Variants in ADAM28 observed in about 807,000 individuals in gnomAD.
The protein encoded by ADAM28 is disintegrin and metalloproteinase domain-containing protein 28.
A neutral mutation model predicts 101.2 loss-of-function variants in ADAM28; 105 were observed. The observed-to-expected ratio is 1.04, with a 90% CI of 0.89 to 1.22. The LOEUF (loss-of-function observed/expected upper bound fraction) is 1.22. ADAM28 is among the 50% of genes most tolerant of loss of function. The probability of loss-of-function intolerance (pLI) is 0.00; values close to 1 mark genes in which losing one functional copy is unlikely to be tolerated. For missense variants in ADAM28, 1,028 were observed against 945.4 expected, an observed-to-expected ratio of 1.09 and a Z score of -1.15; for synonymous variants, 322 against 310.6, an observed-to-expected ratio of 1.04 and a Z score of -0.39.
rs1816546394 is a variant in ADAM28 at position 24,354,549 on chromosome 8, G to T, written c.*145G>T. 1.0e-6 allele frequency: 1 copy of T among 996,740 alleles called. No individual in the cohort carries two copies. Among genetic ancestry groups the T allele is most frequent in the Non-Finnish European group, 1.4e-6 (1 of 714,542 alleles). 61.7% of individuals were successfully genotyped at this position (996,740 alleles called of 1,614,324 possible). On this transcript the variant is annotated 3_prime_UTR_variant, in exon 23 of 23. Transcript: ENST00000265769. ...CATTTTCTGATTCATGTTAGACTTT[G>T]AAGAGACTAAAGAAAATTTTCAAGA...
In ADAM28 at chr8:24,311,551, A is replaced by T. The variant is rs183942040; in HGVS notation, c.383+114A>T. 2.7e-4 allele frequency: 195 copies of T among 711,760 alleles called. 1 individual carries two copies. The Admixed American group carries it at 5.3e-3, about 19-fold the overall frequency. The allele number at this position is 711,760 out of a possible 1,614,324, so 44.1% of individuals were successfully genotyped here. On this transcript the variant is annotated intron_variant, in intron 5 of 22. Transcript: ENST00000265769. Reference sequence around the variant, plus strand: ...ATTTTTATATAGTTGAATATAAATCATAAGGGCCATAACATTTTGAAATTT... The same window carrying T: ...ATTTTTATATAGTTGAATATAAATCTTAAGGGCCATAACATTTTGAAATTT...
chr8:24,349,789 A>G, intron 18 of ADAM28, 75 bp from the exon 19 acceptor site: 4 of 1,153,344 alleles, frequency 3.5e-6, no homozygotes, highest in Non-Finnish European at 5.1e-6. Flanking sequence ...TGTGCTAAGT[A>G]AAGAAACAAG....
In ADAM28 at chr8:24,321,283, C is replaced by G; in HGVS notation, c.714C>G (p.Val238=). Residue 238 remains valine (V), a synonymous_variant, in exon 8 of 23, where the codon GTC becomes GTG. Coordinates refer to ENST00000265769, the MANE Select transcript of ADAM28 (RefSeq NM_014265.6). The part of the protein sequence containing the change: ...RKRVFEMANY[V]NMLYKKLNTH... ...GGGTATTTGAGATGGCTAATTATGT[C>G]AACATGGTAAGACATATTTTATTAC... The G allele has an allele frequency of 6.2e-7, 1 of 1,603,346 alleles. No individual in the cohort carries two copies. Among genetic ancestry groups the G allele is most frequent in the Non-Finnish European group, 8.5e-7 (1 of 1,171,006 alleles).
intron 18 of ADAM28, 151 bp downstream of exon 18, chr8:24,343,735 CCT>C (rs1383029415): frequency 9.0e-5 from 57 of 635,036 alleles, no homozygotes; most frequent in Middle Eastern, 3.7e-4. Flanking sequence ...CCCCAAATCT[CCT>C]TAATACCTTT....
At chr8:24,341,517 T>G (rs1814759216) in intron 15 of ADAM28, 81 bp from the exon 16 acceptor site, 6 of 1,388,288 alleles carry the variant, frequency 4.3e-6, no homozygotes, top group African/African-American at 1.5e-5. Context: ...AAAAATACCA[T>G]CAGTTAAATA....
rs1174146173 is a variant in ADAM28 at position 24,355,463 on chromosome 8, C to T, written c.*1059C>T. On this transcript the variant is annotated 3_prime_UTR_variant, in exon 23 of 23. Coordinates refer to ENST00000265769, the MANE Select transcript of ADAM28 (RefSeq NM_014265.6). ...TAAGTCAAGTCAATTAAAATAACCTCATTTTTCCTTGCTAGTGGTCGACTT... is the reference window on the plus strand; with the variant it reads ...TAAGTCAAGTCAATTAAAATAACCTTATTTTTCCTTGCTAGTGGTCGACTT... 1 of 151,934 alleles carries T rather than the reference C, an allele frequency of 6.6e-6. No individual in the cohort carries two copies. Among genetic ancestry groups the T allele is most frequent in the Non-Finnish European group, 1.5e-5 (1 of 67,976 alleles). The allele number at this position is 151,934 out of a possible 1,614,324, so 9.4% of individuals were successfully genotyped here.
chr8:24,336,376 G>T (rs1252237487), intron 14 of ADAM28, among the ~76,000 whole-genome samples: 1 of 151,688 alleles, frequency 6.6e-6, no homozygotes, highest in African/African-American at 2.4e-5. Context: ...GAGGTCAGGA[G>T]ATCAAGACCA....
chr8:24,338,566 A>G (rs1389168782), intron 14 of ADAM28, among the ~76,000 whole-genome samples: 3 of 147,140 alleles, frequency 2.0e-5, no homozygotes, highest in African/African-American at 7.6e-5. Flanking sequence ...ACATTTTACT[A>G]AGATACAAAT....
chr8:24,349,850 G>T lies in ADAM28; in HGVS notation c.1991-14G>T, dbSNP rs774955339. ...TTTCTGCAGTCCTCAGCGGGCCCCT[G>T]TTCTCTGCTGCAGACTTCTCCATTG... On this transcript the variant is annotated splice_polypyrimidine_tract_variant and intron_variant, in intron 18 of 22. Transcript: ENST00000265769. 3 of 1,612,320 alleles carry T rather than the reference G, an allele frequency of 1.9e-6. No individual in the cohort carries two copies. The highest frequency in any genetic ancestry group is 2.5e-6 in the Non-Finnish European group (3 of 1,178,664).
intron 14 of ADAM28, chr8:24,335,961 A>T (rs751699244): frequency 9.3e-7 from 1 of 1,078,956 alleles, no homozygotes; most frequent in African/African-American, 1.6e-5. Context: ...CTGAAATTCA[A>T]ATTAAACTGG....
chr8:24,340,377 A>T (rs957737130), intron 15 of ADAM28, among the ~76,000 whole-genome samples: 1 of 152,124 alleles, frequency 6.6e-6, no homozygotes, highest in Non-Finnish European at 1.5e-5. Context: ...AAGAACAATC[A>T]TTTTCGGTGG....
chr8:24,329,882 TGTGTGAGAGAGA>T (rs1310878412), intron 10 of ADAM28, 91 bp from the exon 11 acceptor site: 809 of 945,256 alleles, frequency 8.6e-4, no homozygotes, highest in East Asian at 4.2e-3. Context: ...TGTGTGTGTG[TGTGTGAGAGAGA>T]GAGAGAGAGA....
intron 2 of ADAM28, among the ~76,000 whole-genome samples, chr8:24,301,602 G>A (rs1808784884): frequency 6.6e-6 from 1 of 152,132 alleles, no homozygotes; most frequent in Admixed American, 6.5e-5. Flanking sequence ...GAAAATTTAA[G>A]TACCCTGCCT....
chr8:24,330,659 G>A (rs1271270664), intron 11 of ADAM28, among the ~76,000 whole-genome samples: 1 of 152,056 alleles, frequency 6.6e-6, no homozygotes, highest in African/African-American at 2.4e-5. Context: ...TCAGCCCACT[G>A]AAGCTAGGGT....
intron 10 of ADAM28, among the ~76,000 whole-genome samples, chr8:24,328,482 C>T (rs1017964100): frequency 2.4e-4 from 36 of 152,002 alleles, no homozygotes; most frequent in African/African-American, 8.4e-4. Context: ...TACATATTTT[C>T]AAACTTGAAA....
rs764054047 is a variant in ADAM28 at position 24,351,302 on chromosome 8, C to A, written c.2170C>A (p.Pro724Thr). 6.2e-7 allele frequency: 1 copy of A among 1,613,422 alleles called. No individual in the cohort carries two copies. The highest frequency in any genetic ancestry group is 1.1e-5 in the South Asian group (1 of 91,062). ...ACCCCAGATGGTAAAGGCTGTTCAA[C>A]CCCAAGAGGTGAACTATATAGTCTG... Reference protein sequence around the residue: ...RKPQMVKAVQPQEMSQMKPHV... With the variant: ...RKPQMVKAVQTQEMSQMKPHV... Residue 724 changes from proline (P) to threonine (T), a missense_variant, in exon 20 of 23, where the codon CCC becomes ACC. Pro to Thr is a conservative substitution (Grantham distance 38). Coordinates refer to ENST00000265769, the MANE Select transcript of ADAM28 (RefSeq NM_014265.6).
chr8:24,351,059 C>T (rs1250969449), intron 19 of ADAM28, among the ~76,000 whole-genome samples, 173 bp from the exon 20 acceptor site: 1 of 151,872 alleles, frequency 6.6e-6, no homozygotes, highest in Non-Finnish European at 1.5e-5. Flanking sequence ...AATTACAAGG[C>T]AATGAAAGAG....
At chr8:24,308,646 G>A in intron 2 of ADAM28, 7 of 456,108 alleles carry the variant, frequency 1.5e-5, no homozygotes, top group South Asian at 1.1e-4. Context: ...TCCAGTTCCT[G>A]TCATCCATGA....
At position 24,335,500 on chromosome 8, in the gene ADAM28, G is replaced by C. The variant is rs760496412; in HGVS notation, c.1426G>C (p.Glu476Gln). The C allele has an allele frequency of 6.2e-7, 1 of 1,614,170 alleles. No homozygotes were observed. Among genetic ancestry groups the C allele is most frequent in the Admixed American group, 1.7e-5 (1 of 60,024 alleles). Residue 476 changes from glutamate to glutamine, a missense_variant, in exon 14 of 23, where the codon GAA becomes CAA. Physicochemically the swap from Glu to Gln is conservative, Grantham distance 29. Coordinates refer to ENST00000265769, the MANE Select transcript of ADAM28 (RefSeq NM_014265.6). ...AGCAAAAGATGAGTGCGACCTGCCT[G>C]AAATGTGTAATGGTAAATCTGGTAA... Reference protein sequence around the residue: ...RPAKDECDLPEMCNGKSGNCP... With the variant: ...RPAKDECDLPQMCNGKSGNCP...
Sources: gnomAD v4.1 joint callset for allele counts (sites outside exome capture counted in the v4.1 genomes callset) on GRCh38, gnomAD v4.1.1 for gene constraint, MANE v1.5 for transcripts, NCBI Gene and HGNC (gene_info 2026-07-23, HGNC 2026-07-21) for gene names.